The following GABRG3 variants were observed in gnomAD, a reference collection of about 807,000 sequenced individuals.
GABRG3 encodes gamma-aminobutyric acid type A receptor subunit gamma3.
Under a neutral mutation model 48.8 loss-of-function variants are expected in GABRG3, and 25 were observed. The ratio of observed to expected loss-of-function variants is 0.51; its 90% CI spans 0.37 to 0.72. The LOEUF is 0.72. GABRG3 is among the 30% of genes least tolerant of loss of function. The pLI, the probability that GABRG3 is intolerant of heterozygous loss-of-function variation, is 0.00. For synonymous variants in GABRG3, 227 were observed against 217.6 expected (o/e 1.04, Z -0.38); for missense variants, 394 against 577.9 (o/e 0.68, Z 3.26).
At position 27,133,582 on chromosome 15, in the gene GABRG3, A is replaced by G. The variant is rs184413134; in HGVS notation, c.270+106761A>G. Among the ~76,000 whole-genome samples the G allele has an allele frequency of 2.0e-3, 301 of 152,304 alleles. 1 individual carries two copies. The highest frequency in any genetic ancestry group is 7.1e-3 in the African/African-American group (295 of 41,564). On this transcript the variant is annotated intron_variant, in intron 3 of 9. Coordinates refer to ENST00000615808, the MANE Select transcript of GABRG3 (RefSeq NM_033223.5). ...AACAGGCTCCTACTGACATGTTTTT[A>G]TACTGACAAAAGGCTAGTTGCTCTG...
At chr15:27,444,050 A>G (rs914633696) in intron 5 of GABRG3, among the ~76,000 whole-genome samples, 7 of 152,136 alleles carry the variant, frequency 4.6e-5, no homozygotes, top group African/African-American at 1.7e-4. Context: ...GTTCATGTCA[A>G]TTTCCTTTCT....
At chr15:27,007,183 G>A (rs1429637492) in intron 2 of GABRG3, among the ~76,000 whole-genome samples, 2 of 151,510 alleles carry the variant, frequency 1.3e-5, no homozygotes, top group African/African-American at 4.9e-5. Context: ...AGGCTCAAGC[G>A]ATCCTCCCAT....
chr15:27,137,625 G>A (rs373006830), intron 3 of GABRG3, among the ~76,000 whole-genome samples: 2 of 152,272 alleles, frequency 1.3e-5, no homozygotes, highest in South Asian at 4.1e-4. Flanking sequence ...TTAATACTGA[G>A]AGAAGTCGTG....
intron 3 of GABRG3, among the ~76,000 whole-genome samples, chr15:27,272,403 C>A (rs1262961938): frequency 6.6e-6 from 1 of 152,128 alleles, no homozygotes; most frequent in Non-Finnish European, 1.5e-5. Flanking sequence ...AGTTTGGGCT[C>A]TGTGAGATAC....
chr15:27,326,955 A>G lies in GABRG3; in HGVS notation c.417A>G (p.Ala139=). 2 of 1,614,056 alleles carry G rather than the reference A, an allele frequency of 1.2e-6. No homozygotes were observed. The highest frequency in any genetic ancestry group is 1.7e-6 in the Non-Finnish European group (2 of 1,179,906). The change falls in exon 4 of 10, where the codon GCA becomes GCG. Residue 139 remains alanine, a synonymous_variant. Transcript: ENST00000615808. ...CCATCTTCCGCAATTCTAAAACCGC[A>G]GAGGCTCACTGGATCACCACACCCA... ...PDTIFRNSKT[A]EAHWITTPNQ... is the part of the protein sequence containing the mutation.
intron 3 of GABRG3, among the ~76,000 whole-genome samples, chr15:27,219,705 C>G (rs7173587): frequency 6.6e-6 from 1 of 152,108 alleles, no homozygotes; most frequent in Non-Finnish European, 1.5e-5. Flanking sequence ...GTGTGCCTAA[C>G]GGGGAGTGCC....
At chr15:27,258,025 G>A (rs1890672419) in intron 3 of GABRG3, among the ~76,000 whole-genome samples, 2 of 152,104 alleles carry the variant, frequency 1.3e-5, no homozygotes, top group African/African-American at 2.4e-5. Context: ...TATATTTAAA[G>A]AACAATCAAG....
intron 3 of GABRG3, among the ~76,000 whole-genome samples, chr15:27,115,281 G>A (rs974561823): frequency 6.6e-6 from 1 of 152,088 alleles, no homozygotes; most frequent in Non-Finnish European, 1.5e-5. Context: ...AATATCCACG[G>A]CAGTTAAAGG....
intron 2 of GABRG3, among the ~76,000 whole-genome samples, chr15:27,009,080 G>A (rs1895640088): frequency 6.6e-6 from 1 of 152,112 alleles, no homozygotes; most frequent in African/African-American, 2.4e-5. Context: ...CTCTGCTCAC[G>A]GTGCCGTCTG....
intron 3 of GABRG3, among the ~76,000 whole-genome samples, chr15:27,260,578 G>C (rs947075002): frequency 2.6e-5 from 4 of 152,144 alleles, no homozygotes; most frequent in Non-Finnish European, 5.9e-5. Context: ...GCATAGGTTA[G>C]ACGCAAACAC....
chr15:27,084,668 G>A (rs1253374650), intron 3 of GABRG3, among the ~76,000 whole-genome samples: 1 of 152,194 alleles, frequency 6.6e-6, no homozygotes, highest in Non-Finnish European at 1.5e-5. Flanking sequence ...TTTCGTCATG[G>A]GGACCAAATA....
At chr15:27,115,204 A>G (rs1032356246) in intron 3 of GABRG3, among the ~76,000 whole-genome samples, 12 of 152,078 alleles carry the variant, frequency 7.9e-5, no homozygotes, top group Non-Finnish European at 1.6e-4. Context: ...ACCCCAAACA[A>G]CCATGCTTAC....
At chr15:27,123,712 A>G (rs997662213) in intron 3 of GABRG3, among the ~76,000 whole-genome samples, 2 of 152,174 alleles carry the variant, frequency 1.3e-5, no homozygotes, top group East Asian at 1.9e-4. Context: ...AGTGATAAAA[A>G]TGACTCCCAT....
intron 5 of GABRG3, among the ~76,000 whole-genome samples, chr15:27,437,259 GC>G (rs1398351667): frequency 6.6e-6 from 1 of 151,918 alleles, no homozygotes; most frequent in Non-Finnish European, 1.5e-5. Context: ...AATTTATTTG[GC>G]AAACAAGTTT....
At position 27,180,390 on chromosome 15, in the gene GABRG3, TTTGAGGCAGTGCA is replaced by T. The variant is rs538725204; in HGVS notation, c.271-146416_271-146404del. 2.0e-4 allele frequency among the ~76,000 whole-genome samples: 31 copies of T among 152,274 alleles called. No homozygotes were observed. The highest frequency in any genetic ancestry group is 4.3e-4 in the Non-Finnish European group (29 of 68,004). On this transcript the variant is annotated intron_variant, in intron 3 of 9. Coordinates refer to ENST00000615808, the MANE Select transcript of GABRG3 (RefSeq NM_033223.5). This position sits in a 1 kb window ranked among gnomAD's most constrained non-coding sequence, Gnocchi z 4.2. ...TCTTCAGGTTATGACTGCCATGTGC[TTTGAGGCAGTGCA>T]TTTGCATCCTGAGGTCACGTTGTGC...
At chr15:27,370,566 C>A (rs1895376501) in intron 5 of GABRG3, among the ~76,000 whole-genome samples, 2 of 152,290 alleles carry the variant, frequency 1.3e-5, no homozygotes, top group East Asian at 1.9e-4. Context: ...GTGGGAGGCA[C>A]TGTGACATGC....
chr15:27,411,506 C>T (rs958124803), intron 5 of GABRG3, among the ~76,000 whole-genome samples: 2 of 152,176 alleles, frequency 1.3e-5, no homozygotes, highest in African/African-American at 4.8e-5. Flanking sequence ...GAGATCCAGC[C>T]ATTCTTCCTG....
intron 5 of GABRG3, among the ~76,000 whole-genome samples, chr15:27,436,902 G>A (rs1476830334): frequency 6.6e-6 from 1 of 151,914 alleles, no homozygotes; most frequent in Non-Finnish European, 1.5e-5. Context: ...AGGCTAAGGT[G>A]GGAGGATTGC....
chr15:27,427,835 T>C, intron 5 of GABRG3, among the ~76,000 whole-genome samples: 1 of 152,196 alleles, frequency 6.6e-6, no homozygotes, highest in Non-Finnish European at 1.5e-5. Context: ...CCTCCCATCC[T>C]CTGGAGTGGC....
Sources: allele counts gnomAD v4.1 joint callset (sites outside exome capture counted in the v4.1 genomes callset), GRCh38; gene constraint gnomAD v4.1.1; non-coding constraint Gnocchi (gnomAD v3.1); transcripts MANE v1.5; gene names NCBI Gene and HGNC (gene_info 2026-07-23, HGNC 2026-07-21).